Variants in AFG1L observed in about 807,000 individuals in gnomAD.
The protein encoded by AFG1L is AFG1-like ATPase.
A neutral mutation model predicts 62.2 loss-of-function variants in AFG1L; 53 were observed. That is an observed-to-expected ratio of 0.85 (90% CI 0.68 to 1.07). AFG1L has a LOEUF of 1.07. Ranked by LOEUF, AFG1L falls within the 50% of genes least tolerant of loss-of-function variation. AFG1L has a pLI of 0.00. For synonymous variants in AFG1L, 228 were observed against 210.3 expected, an observed-to-expected ratio of 1.08 and a Z score of -0.73; for missense variants, 555 against 590.5, an observed-to-expected ratio of 0.94 and a Z score of 0.62.
At chr6:108,488,572 G>T (rs761272130) in intron 10 of AFG1L, among the ~76,000 whole-genome samples, 4 of 152,086 alleles carry the variant, frequency 2.6e-5, no homozygotes, top group Non-Finnish European at 4.4e-5. Flanking sequence ...AAGAGTTGGG[G>T]CTGGGCGCAG....
intron 8 of AFG1L, among the ~76,000 whole-genome samples, chr6:108,453,457 A>C (rs915856640): frequency 3.9e-5 from 6 of 152,228 alleles, no homozygotes; most frequent in African/African-American, 1.4e-4. Context: ...ATAACTTTGA[A>C]CACCATTTTT....
intron 10 of AFG1L, among the ~76,000 whole-genome samples, chr6:108,478,719 G>A (rs944863389): frequency 6.6e-6 from 1 of 152,180 alleles, no homozygotes; most frequent in South Asian, 2.1e-4. Flanking sequence ...CTGCAGAAGA[G>A]GGGAACGGGA....
chr6:108,506,310 C>T (rs1309995600), intron 10 of AFG1L, among the ~76,000 whole-genome samples: 3 of 152,256 alleles, frequency 2.0e-5, no homozygotes, highest in South Asian at 2.1e-4. Context: ...CAGGCTCAAA[C>T]GATCCTCCTA....
At chr6:108,358,511 G>T (rs1234621567) in intron 5 of AFG1L, among the ~76,000 whole-genome samples, 1 of 152,042 alleles carries the variant, frequency 6.6e-6, no homozygotes, top group East Asian at 1.9e-4. Flanking sequence ...AACTTTCAGA[G>T]AAATGATTGG....
chr6:108,495,555 A>G (rs967494490), intron 10 of AFG1L, among the ~76,000 whole-genome samples: 1 of 152,254 alleles, frequency 6.6e-6, no homozygotes, highest in African/African-American at 2.4e-5. Context: ...TTGGTGTGGC[A>G]TTGAGAAAAT....
At position 108,402,066 on chromosome 6, in the gene AFG1L, T is replaced by C. The variant is rs1158364433; in HGVS notation, c.807+12T>C. The C allele has an allele frequency of 1.4e-6, 2 of 1,422,126 alleles. No individual in the cohort carries two copies. Among genetic ancestry groups the C allele is most frequent in the South Asian group, 2.8e-5 (2 of 72,422 alleles). The allele number at this position is 1,422,126 out of a possible 1,614,324, so 88.1% of individuals were successfully genotyped here. A position where few individuals can be genotyped will look rare whatever the true frequency, so the allele number is the denominator to read the frequency against. On this transcript the variant is annotated intron_variant, in intron 7 of 12. Coordinates refer to ENST00000368977, the MANE Select transcript of AFG1L (RefSeq NM_145315.5). ...TAGCAGTCTTGAAGGTAAAAACAAA[T>C]CATTTATTTGTGTTTACTAAGATCA...
intron 8 of AFG1L, among the ~76,000 whole-genome samples, chr6:108,450,590 GC>G (rs762044912): frequency 1.3e-5 from 2 of 152,156 alleles, no homozygotes; most frequent in Non-Finnish European, 2.9e-5. Flanking sequence ...CTGTGCAGAA[GC>G]GCTTTAGTTT....
At chr6:108,363,846 T>C (rs1276319659) in intron 5 of AFG1L, among the ~76,000 whole-genome samples, 1 of 152,136 alleles carries the variant, frequency 6.6e-6, no homozygotes, top group African/African-American at 2.4e-5. Flanking sequence ...AAAAAATAGG[T>C]GCTTATTTTT....
At chr6:108,334,765 T>C (rs1323397233) in intron 2 of AFG1L, among the ~76,000 whole-genome samples, 1 of 152,074 alleles carries the variant, frequency 6.6e-6, no homozygotes, top group Non-Finnish European at 1.5e-5. Flanking sequence ...CCTTCAAAGT[T>C]CTTGAGAGCC....
intron 8 of AFG1L, among the ~76,000 whole-genome samples, chr6:108,471,186 ATCTT>A (rs369605931): frequency 9.1e-4 from 139 of 152,290 alleles, no homozygotes; most frequent in Non-Finnish European, 1.7e-3. Context: ...ATGTGAGTGA[ATCTT>A]TCTTGAGGGT....
chr6:108,429,329 C>A (rs114668719), intron 7 of AFG1L, among the ~76,000 whole-genome samples: 188 of 152,240 alleles, frequency 1.2e-3, no homozygotes, highest in African/African-American at 4.5e-3. Context: ...GAATGACGAG[C>A]AAAGTCATAT....
chr6:108,450,441 A>T (rs1268295621), intron 8 of AFG1L, among the ~76,000 whole-genome samples: 6 of 151,906 alleles, frequency 3.9e-5, no homozygotes, highest in Admixed American at 3.9e-4. Flanking sequence ...CCACTTGTTG[A>T]TGGGGTTGTT....
intron 7 of AFG1L, among the ~76,000 whole-genome samples, chr6:108,446,182 A>G (rs1771789747): frequency 1.3e-5 from 2 of 151,982 alleles, no homozygotes; most frequent in Admixed American, 1.3e-4. Flanking sequence ...ATTTGCTCTC[A>G]AAGTAAGAAT....
chr6:108,312,282 TGA>T (rs1777441754), intron 1 of AFG1L, among the ~76,000 whole-genome samples: 1 of 152,186 alleles, frequency 6.6e-6, no homozygotes, highest in African/African-American at 2.4e-5. Context: ...CTCATACCTG[TGA>T]TCCCAGCACT....
chr6:108,511,118 AAGTAGAAGGAGG>A (rs1774632989), intron 11 of AFG1L, among the ~76,000 whole-genome samples: 1 of 149,438 alleles, frequency 6.7e-6, no homozygotes, highest in African/African-American at 2.5e-5. Context: ...GAAGAAGAAG[AAGTAGAAGGAGG>A]AGGAGGAGGA....
chr6:108,433,018 G>A (rs968926700), intron 7 of AFG1L, among the ~76,000 whole-genome samples: 11 of 152,126 alleles, frequency 7.2e-5, no homozygotes, highest in Non-Finnish European at 1.3e-4. Context: ...GGTAGCTCAG[G>A]ACTTTCGTTT....
At position 108,510,130 on chromosome 6, in the gene AFG1L, G is replaced by A. The variant is rs572604657; in HGVS notation, c.1063-82G>A. The stretch of plus-strand genomic sequence containing the variant: ...ACCTAGATCACACCATGACAAGAAA[G>A]AGGTGTTTTTACACTAAACCACTCC... On this transcript the variant is annotated intron_variant, in intron 10 of 12. Coordinates refer to ENST00000368977, the MANE Select transcript of AFG1L (RefSeq NM_145315.5). 13 of 989,282 alleles carry A rather than the reference G, an allele frequency of 1.3e-5. No homozygotes were observed. The African/African-American group carries it at 2.0e-4, about 15-fold the overall frequency. 61.3% of individuals were successfully genotyped at this position (989,282 alleles called of 1,614,324 possible).
intron 8 of AFG1L, among the ~76,000 whole-genome samples, chr6:108,449,645 C>A (rs1461734167): frequency 6.6e-6 from 1 of 152,016 alleles, no homozygotes; most frequent in Non-Finnish European, 1.5e-5. Flanking sequence ...TACATGTGCA[C>A]AACCTGCAGG....
At chr6:108,379,736 G>A (rs573530403) in intron 6 of AFG1L, among the ~76,000 whole-genome samples, 1 of 152,346 alleles carries the variant, frequency 6.6e-6, no homozygotes, top group East Asian at 1.9e-4. Flanking sequence ...GATGCCCTAA[G>A]CTCCTCATCC....
Sources: gnomAD v4.1 joint callset for allele counts (sites outside exome capture counted in the v4.1 genomes callset) on GRCh38, gnomAD v4.1.1 for gene constraint, MANE v1.5 for transcripts, NCBI Gene and HGNC (gene_info 2026-07-23, HGNC 2026-07-21) for gene names.